LRRC20: variants seen among roughly 807,000 people sequenced by gnomAD.
LRRC20 encodes the protein leucine rich repeat containing 20.
LRRC20 carries 11 observed loss-of-function variants against 14.4 expected under a neutral mutation model. That is an observed-to-expected ratio of 0.77 (90% CI 0.48 to 1.27). LRRC20 has a LOEUF of 1.27. Among genes scored for constraint, LRRC20 ranks in the 50% most tolerant of loss-of-function variants. The probability of loss-of-function intolerance (pLI) is 0.00; values close to 1 mark genes in which losing one functional copy is unlikely to be tolerated. For missense variants in LRRC20, 219 were observed against 251.2 expected (o/e 0.87, Z 0.87); for synonymous variants, 121 against 107.3 (o/e 1.13, Z -0.79).
At chr10:70,317,620 C>A (rs1841913402) in intron 4 of LRRC20, among the ~76,000 whole-genome samples, 2 of 152,194 alleles carry the variant, frequency 1.3e-5, no homozygotes, top group African/African-American at 2.4e-5. Context: ...CTCAAGCGAT[C>A]CTCCTGCCTT....
chr10:70,380,358 T>A (rs1376319475), intron 1 of LRRC20, among the ~76,000 whole-genome samples: 1 of 152,154 alleles, frequency 6.6e-6, no homozygotes, highest in Non-Finnish European at 1.5e-5. Flanking sequence ...CCACGCTTAT[T>A]AACTAGCTAG....
Position 70,372,586 on chromosome 10 carries a change from T to C in LRRC20, c.82+3866A>G, listed in dbSNP as rs867387722. Reference sequence around the variant, plus strand: ...CCTCCCGAGTAGCTGGGACTACAGGTGCCCGCCACCACGCCCGGCTAATTT... The same window carrying C: ...CCTCCCGAGTAGCTGGGACTACAGGCGCCCGCCACCACGCCCGGCTAATTT... On this transcript the variant is annotated intron_variant, in intron 2 of 4. Transcript: ENST00000446961. Among the ~76,000 whole-genome samples, 71 of 151,680 alleles carry C rather than the reference T, an allele frequency of 4.7e-4. 2 individuals are homozygous for C. Among genetic ancestry groups the C allele is most frequent in the South Asian group, 6.3e-4 (3 of 4,782 alleles).
chr10:70,359,263 A>G (rs1843634651), intron 2 of LRRC20, among the ~76,000 whole-genome samples: 1 of 152,096 alleles, frequency 6.6e-6, no homozygotes, highest in Non-Finnish European at 1.5e-5. Context: ...CCATTCAAGA[A>G]TCTCCATGCC....
intron 2 of LRRC20, among the ~76,000 whole-genome samples, chr10:70,346,125 C>T (rs950001658): frequency 2.0e-5 from 3 of 152,076 alleles, no homozygotes; most frequent in Non-Finnish European, 2.9e-5. Flanking sequence ...TGGTGACGGG[C>T]GCTTGTAATC....
intron 3 of LRRC20, among the ~76,000 whole-genome samples, chr10:70,339,535 C>G (rs1474240202): frequency 3.3e-5 from 5 of 152,032 alleles, no homozygotes; most frequent in African/African-American, 1.2e-4. Context: ...GATCTGCCCC[C>G]CTAGGCTTCC....
chr10:70,310,917 A>T (rs551139320), intron 4 of LRRC20, among the ~76,000 whole-genome samples: 78 of 152,350 alleles, frequency 5.1e-4, no homozygotes, highest in Admixed American at 2.2e-3. Flanking sequence ...AAAGATATTG[A>T]TGAACAAAAG....
At chr10:70,311,466 C>T (rs981149050) in intron 4 of LRRC20, among the ~76,000 whole-genome samples, 2 of 152,092 alleles carry the variant, frequency 1.3e-5, no homozygotes, top group Non-Finnish European at 2.9e-5. Context: ...AAGTGATCCA[C>T]CTGCCTCGGC....
intron 2 of LRRC20, among the ~76,000 whole-genome samples, chr10:70,349,409 C>G (rs1843206504): frequency 1.3e-5 from 2 of 152,120 alleles, no homozygotes; most frequent in Non-Finnish European, 2.9e-5. Context: ...AAAACCCTGT[C>G]TCTAATAAAA....
At chr10:70,335,436 C>T (rs1842698514) in intron 3 of LRRC20, among the ~76,000 whole-genome samples, 1 of 152,242 alleles carries the variant, frequency 6.6e-6, no homozygotes, top group Non-Finnish European at 1.5e-5. Context: ...AAAGCCGCTC[C>T]CCTGCCCTGC....
chr10:70,350,509 CAGA>C (rs1843261576), intron 2 of LRRC20, among the ~76,000 whole-genome samples: 1 of 152,166 alleles, frequency 6.6e-6, no homozygotes, highest in Admixed American at 6.5e-5. Context: ...AGAACCAGGG[CAGA>C]AGGAGCAAAA....
chr10:70,361,362 C>G (rs992383499), intron 2 of LRRC20, among the ~76,000 whole-genome samples: 3 of 152,190 alleles, frequency 2.0e-5, no homozygotes, highest in African/African-American at 4.8e-5. Context: ...GGAGCTTACG[C>G]CCTAGTGTGG....
intron 3 of LRRC20, among the ~76,000 whole-genome samples, chr10:70,332,835 A>T (rs1842587319): frequency 6.6e-6 from 1 of 152,232 alleles, no homozygotes; most frequent in Non-Finnish European, 1.5e-5. Flanking sequence ...TTGTCTCTGG[A>T]CACGGACTTG....
At chr10:70,350,829 A>T (rs1843272906) in intron 2 of LRRC20, among the ~76,000 whole-genome samples, 2 of 152,192 alleles carry the variant, frequency 1.3e-5, no homozygotes, top group Admixed American at 1.3e-4. Flanking sequence ...AGCTTTCTTC[A>T]TGGAATCTCA....
At chr10:70,315,843 G>A (rs1841830289) in intron 4 of LRRC20, among the ~76,000 whole-genome samples, 1 of 152,076 alleles carries the variant, frequency 6.6e-6, no homozygotes. Context: ...TCATGTCTTC[G>A]TTCAGTGACC....
At chr10:70,378,075 GCTCA>G (rs1844574378) in intron 1 of LRRC20, among the ~76,000 whole-genome samples, 1 of 152,226 alleles carries the variant, frequency 6.6e-6, no homozygotes, top group East Asian at 1.9e-4. Flanking sequence ...CACCTGTCTA[GCTCA>G]GAGCCCAGGA....
chr10:70,347,853 C>A (rs114165232), intron 2 of LRRC20, among the ~76,000 whole-genome samples: 2,892 of 150,960 alleles, frequency 0.019, 73 homozygotes, highest in African/African-American at 0.06. Flanking sequence ...CACACACACA[C>A]AAAAAACAAG....
At chr10:70,322,650 C>T (rs912037329) in intron 4 of LRRC20, among the ~76,000 whole-genome samples, 4 of 152,084 alleles carry the variant, frequency 2.6e-5, no homozygotes, top group Non-Finnish European at 5.9e-5. Flanking sequence ...GAACCACAGC[C>T]CACCCCCAGG....
chr10:70,345,023 TTTAAG>T (rs1843027596), intron 2 of LRRC20, among the ~76,000 whole-genome samples: 1 of 152,226 alleles, frequency 6.6e-6, no homozygotes, highest in Non-Finnish European at 1.5e-5. Flanking sequence ...TTTATTTATT[TTTAAG>T]TTAACTAAAT....
In LRRC20 at chr10:70,324,025, G is replaced by A. The variant is rs1842211261; in HGVS notation, c.238C>T (p.His80Tyr). 1 of 1,613,884 alleles carries A rather than the reference G, an allele frequency of 6.2e-7. No individual in the cohort carries two copies. Among genetic ancestry groups the A allele is most frequent in the Non-Finnish European group, 8.5e-7 (1 of 1,179,978 alleles). Reference protein sequence around the residue: ...MTTFSQLRELHLEGNFLHRLP... With the variant: ...MTTFSQLRELYLEGNFLHRLP... The stretch of plus-strand genomic sequence containing the variant: ...CGGTGTAGGAAGTTCCCCTCCAGGT[G>A]GAGCTCTGCCACGTGCAGGGAAGGA... Residue 80 changes from histidine to tyrosine, a missense_variant, in exon 4 of 5, where the codon CAC becomes TAC. His to Tyr is a moderately conservative substitution (Grantham distance 83). Transcript: ENST00000446961.
Sources: gnomAD v4.1 joint callset for allele counts (sites outside exome capture counted in the v4.1 genomes callset) on GRCh38, gnomAD v4.1.1 for gene constraint, MANE v1.5 for transcripts, NCBI Gene and HGNC (gene_info 2026-07-23, HGNC 2026-07-21) for gene names.